The following KIF16B variants were observed in gnomAD, a reference collection of about 807,000 sequenced individuals.
KIF16B encodes kinesin-like protein KIF16B.
KIF16B carries 98 observed loss-of-function variants against 156.3 expected under a neutral mutation model. The observed-to-expected ratio is 0.63, with a 90% CI of 0.53 to 0.74. The LOEUF is 0.74. Among genes scored for constraint, KIF16B ranks in the 30% least tolerant of loss-of-function variants. KIF16B has a pLI of 0.00. For missense variants in KIF16B, 1,421 were observed against 1,606.5 expected (o/e 0.88, Z 1.97); for synonymous variants, 564 against 583.7 (o/e 0.97, Z 0.49).
At chr20:16,503,939 TC>T (rs1326276043) in intron 10 of KIF16B, among the ~76,000 whole-genome samples, 1 of 152,150 alleles carries the variant, frequency 6.6e-6, no homozygotes, top group Admixed American at 6.5e-5. Context: ...GAACCACCTC[TC>T]TAATAGGTGA....
intron 15 of KIF16B, among the ~76,000 whole-genome samples, chr20:16,413,665 C>T (rs1056417002): frequency 2.0e-5 from 3 of 151,912 alleles, no homozygotes; most frequent in Non-Finnish European, 2.9e-5. Context: ...AATTCTGTTT[C>T]GAGACTCCTA....
chr20:16,330,317 A>T lies in KIF16B; in HGVS notation c.3711+5609T>A, dbSNP rs549275487. On this transcript the variant is annotated intron_variant, in intron 24 of 25. Coordinates refer to ENST00000354981, the MANE Select transcript of KIF16B (RefSeq NM_024704.5). The stretch of plus-strand genomic sequence containing the variant: ...AAGGAGACATTAAGGTAAATAATTA[A>T]CCAAATGAATGTGAGTGAACAGGGG... Among the ~76,000 whole-genome samples, 24 of 152,326 alleles carry T rather than the reference A, an allele frequency of 1.6e-4. No homozygotes were observed. The East Asian group carries it at 3.5e-3, about 22-fold the overall frequency.
intron 1 of KIF16B, among the ~76,000 whole-genome samples, chr20:16,564,510 T>C (rs377098337): frequency 2.4e-3 from 360 of 151,778 alleles, no homozygotes; most frequent in South Asian, 5.6e-3. Flanking sequence ...CGGGGCCTGT[T>C]GTGAGGTGGG....
intron 12 of KIF16B, among the ~76,000 whole-genome samples, chr20:16,476,078 G>A (rs1171051167): frequency 2.6e-5 from 4 of 152,142 alleles, no homozygotes; most frequent in Non-Finnish European, 2.9e-5. Flanking sequence ...TATCTGTCAC[G>A]TCTTCAGACA....
At chr20:16,502,449 G>A (rs1322168705) in intron 10 of KIF16B, among the ~76,000 whole-genome samples, 1 of 152,016 alleles carries the variant, frequency 6.6e-6, no homozygotes, top group African/African-American at 2.4e-5. Context: ...ATTTTAAATT[G>A]GATTCACATT....
chr20:16,449,731 T>C (rs1022721473), intron 12 of KIF16B, among the ~76,000 whole-genome samples: 1 of 152,176 alleles, frequency 6.6e-6, no homozygotes, highest in African/African-American at 2.4e-5. Flanking sequence ...TAACAGGATA[T>C]AGAACCCCTT....
chr20:16,358,826 G>A (rs2064495177), intron 22 of KIF16B, among the ~76,000 whole-genome samples: 1 of 152,212 alleles, frequency 6.6e-6, no homozygotes, highest in Non-Finnish European at 1.5e-5. Context: ...TGTCAGCTAA[G>A]CAATGGAGAC....
intron 3 of KIF16B, among the ~76,000 whole-genome samples, chr20:16,516,992 T>A (rs1392464138): frequency 6.6e-6 from 1 of 152,174 alleles, no homozygotes; most frequent in Non-Finnish European, 1.5e-5. Context: ...CATTAGGATG[T>A]GCACATGGCC....
At chr20:16,288,255 C>A (rs1364037660) in intron 25 of KIF16B, among the ~76,000 whole-genome samples, 2 of 152,208 alleles carry the variant, frequency 1.3e-5, no homozygotes, top group African/African-American at 4.8e-5. Context: ...CCCTTAACTC[C>A]TCTGTACCTC....
intron 1 of KIF16B, among the ~76,000 whole-genome samples, chr20:16,548,204 C>G (rs750714074): frequency 6.6e-6 from 1 of 152,228 alleles, no homozygotes; most frequent in African/African-American, 2.4e-5. Context: ...CAGCCTCTGT[C>G]TACTCATCCA....
intron 1 of KIF16B, among the ~76,000 whole-genome samples, chr20:16,529,691 C>T (rs1004319524): frequency 6.6e-6 from 1 of 152,200 alleles, no homozygotes; most frequent in Admixed American, 6.5e-5. Flanking sequence ...GTGGCTCACG[C>T]CTGTAATCCC....
intron 25 of KIF16B, among the ~76,000 whole-genome samples, chr20:16,286,226 T>C (rs1300319733): frequency 6.6e-6 from 1 of 152,224 alleles, no homozygotes; most frequent in African/African-American, 2.4e-5. Flanking sequence ...AACAATCTTA[T>C]ATACAAGCAA....
At chr20:16,353,010 G>A (rs1055369104) in intron 23 of KIF16B, among the ~76,000 whole-genome samples, 3 of 152,196 alleles carry the variant, frequency 2.0e-5, no homozygotes, top group Non-Finnish European at 2.9e-5. Flanking sequence ...GCGGGATAAC[G>A]AAAAACAAAA....
Position 16,514,305 on chromosome 20 carries a change from T to C in KIF16B, c.348+1243A>G, listed in dbSNP as rs78621909. Among the ~76,000 whole-genome samples, 952 of 152,254 alleles carry C rather than the reference T, an allele frequency of 6.3e-3. 3 individuals are homozygous for C. Among genetic ancestry groups the C allele is most frequent in the Middle Eastern group, 0.017 (5 of 294 alleles). ...AGCTGTTTGTTCCTCTCATTTGTTC[T>C]TCCCTTTTCGGAGAAGACTTCCCGA... On this transcript the variant is annotated intron_variant, in intron 4 of 25. Coordinates refer to ENST00000354981, the MANE Select transcript of KIF16B (RefSeq NM_024704.5).
At chr20:16,559,367 C>T (rs915860706) in intron 1 of KIF16B, among the ~76,000 whole-genome samples, 5 of 152,170 alleles carry the variant, frequency 3.3e-5, no homozygotes, top group African/African-American at 1.2e-4. Context: ...GAGGAAATGC[C>T]GTCTACTCTT....
chr20:16,557,793 G>A (rs371367989), intron 1 of KIF16B, among the ~76,000 whole-genome samples: 1 of 152,060 alleles, frequency 6.6e-6, no homozygotes, highest in Non-Finnish European at 1.5e-5. Flanking sequence ...GTTTGTTTCC[G>A]CTAAAATCCT....
chr20:16,474,411 G>A (rs952171251), intron 12 of KIF16B, among the ~76,000 whole-genome samples: 1 of 152,144 alleles, frequency 6.6e-6, no homozygotes, highest in African/African-American at 2.4e-5. Context: ...GCAGTGCTTG[G>A]CACATAGCAA....
At chr20:16,476,884 G>A (rs901574554) in intron 12 of KIF16B, among the ~76,000 whole-genome samples, 1 of 151,666 alleles carries the variant, frequency 6.6e-6, no homozygotes. Flanking sequence ...TCAGCCTCCC[G>A]AGTAGCTGGG....
At chr20:16,340,845 C>T (rs572241499) in intron 23 of KIF16B, among the ~76,000 whole-genome samples, 3 of 152,272 alleles carry the variant, frequency 2.0e-5, no homozygotes, top group South Asian at 4.2e-4. Flanking sequence ...TAATGAACTG[C>T]ATACACCAAA....
Sources: gnomAD v4.1 joint callset for allele counts (sites outside exome capture counted in the v4.1 genomes callset) on GRCh38, gnomAD v4.1.1 for gene constraint, MANE v1.5 for transcripts, NCBI Gene and HGNC (gene_info 2026-07-23, HGNC 2026-07-21) for gene names.